ETS1: variants seen among roughly 807,000 people sequenced by gnomAD.
ETS1 encodes the protein ETS proto-oncogene 1, transcription factor, also known as protein C-ets-1.
A neutral mutation model predicts 58.6 loss-of-function variants in ETS1; 15 were observed. The ratio of observed to expected loss-of-function variants is 0.26; its 90% CI spans 0.17 to 0.39. ETS1 has a LOEUF of 0.39. Ranked by LOEUF, ETS1 falls within the 10% of genes least tolerant of loss-of-function variation. The pLI is 1.00. For synonymous variants in ETS1, 214 were observed against 218.2 expected (o/e 0.98, Z 0.17); for missense variants, 417 against 610.5 (o/e 0.68, Z 3.34).
chr11:128,566,575 A>T (rs1864500851), intron 2 of ETS1, among the ~76,000 whole-genome samples: 1 of 152,138 alleles, frequency 6.6e-6, no homozygotes, highest in South Asian at 2.1e-4. Context: ...CGAGGTCAGG[A>T]GATCGAGACC....
chr11:128,574,666 C>T (rs1352962192), intron 1 of ETS1, among the ~76,000 whole-genome samples: 1 of 152,180 alleles, frequency 6.6e-6, no homozygotes, highest in Non-Finnish European at 1.5e-5. Context: ...TTTAGATATG[C>T]CTGTCCTGAC....
At chr11:128,576,973 T>A (rs1364872403) in intron 1 of ETS1, among the ~76,000 whole-genome samples, 1 of 152,176 alleles carries the variant, frequency 6.6e-6, no homozygotes, top group Non-Finnish European at 1.5e-5. Context: ...CAAAGTGTAT[T>A]TCTATCACGG....
intron 3 of ETS1, among the ~76,000 whole-genome samples, chr11:128,548,117 A>AAAGGG (rs1565405232): frequency 2.6e-5 from 2 of 77,766 alleles, no homozygotes; most frequent in African/African-American, 5.6e-5. Context: ...AAAGGGAAGG[A>AAAGGG]AAGGAAAGGA....
intron 3 of ETS1, among the ~76,000 whole-genome samples, chr11:128,504,447 G>C (rs1863176858): frequency 6.6e-6 from 1 of 152,200 alleles, no homozygotes; most frequent in African/African-American, 2.4e-5. Flanking sequence ...ACTCCTTGGA[G>C]GGATGTTCTC....
intron 4 of ETS1, among the ~76,000 whole-genome samples, 161 bp from the exon 5 acceptor site, chr11:128,489,651 AT>A (rs931371566): frequency 1.3e-5 from 2 of 152,190 alleles, no homozygotes; most frequent in African/African-American, 4.8e-5. Context: ...AGTGCCTTCC[AT>A]AACCCTCCCC....
chr11:128,467,801 T>C (rs1862077724), intron 8 of ETS1, among the ~76,000 whole-genome samples: 1 of 152,048 alleles, frequency 6.6e-6, no homozygotes, highest in Non-Finnish European at 1.5e-5. Flanking sequence ...AGTATGCTTC[T>C]CAAGTCGAAG....
At chr11:128,479,786 T>C (rs1451514016) in intron 8 of ETS1, among the ~76,000 whole-genome samples, 1 of 152,080 alleles carries the variant, frequency 6.6e-6, no homozygotes, top group East Asian at 1.9e-4. Flanking sequence ...CATTCAGTTG[T>C]GCCTTTGAGA....
chr11:128,575,643 G>A (rs1241751323), intron 1 of ETS1, among the ~76,000 whole-genome samples: 2 of 152,170 alleles, frequency 1.3e-5, no homozygotes, highest in African/African-American at 2.4e-5. Context: ...CAGTGGAATC[G>A]ACAGGCTCAC....
intron 3 of ETS1, among the ~76,000 whole-genome samples, chr11:128,508,101 C>T (rs1391558686): frequency 2.0e-5 from 3 of 152,142 alleles, no homozygotes; most frequent in Non-Finnish European, 4.4e-5. Context: ...ATTGAACTGG[C>T]CACAGGGACG....
chr11:128,523,751 C>A lies in ETS1; in HGVS notation c.214+32540G>T, dbSNP rs550269551. ...GAGGAAAATATTTGTATGTGATAGT[C>A]CTAATTTTTGAAAGAACAAAGACTG... is the stretch of plus-strand genomic sequence containing the variant. On this transcript the variant is annotated intron_variant, in intron 3 of 9. Transcript: ENST00000392668. Among the ~76,000 whole-genome samples the A allele has an allele frequency of 2.6e-5, 4 of 152,270 alleles. No homozygotes were observed. In the East Asian group the frequency reaches 7.7e-4, roughly 29 times the overall value.
intron 3 of ETS1, among the ~76,000 whole-genome samples, chr11:128,545,725 G>C (rs1304718139): frequency 6.6e-6 from 1 of 152,136 alleles, no homozygotes; most frequent in Non-Finnish European, 1.5e-5. Flanking sequence ...ATTTACAATT[G>C]ATCAGTTAAG....
chr11:128,586,787 G>A (rs994520332), intron 1 of ETS1, among the ~76,000 whole-genome samples: 11 of 152,242 alleles, frequency 7.2e-5, no homozygotes, highest in South Asian at 4.1e-4. Context: ...AAAGTGTCAC[G>A]GCCAGATAAA....
At chr11:128,561,074 T>C (rs909763257) in intron 2 of ETS1, among the ~76,000 whole-genome samples, 6 of 151,994 alleles carry the variant, frequency 3.9e-5, no homozygotes, top group African/African-American at 1.5e-4. Context: ...AAGACGGTGT[T>C]GTTTGGAGGT....
At chr11:128,557,409 A>G (rs766602934) in intron 2 of ETS1, among the ~76,000 whole-genome samples, 12 of 152,220 alleles carry the variant, frequency 7.9e-5, no homozygotes, top group Non-Finnish European at 1.2e-4. Context: ...GTATGAGAAA[A>G]TTGTATATAA....
intron 8 of ETS1, among the ~76,000 whole-genome samples, chr11:128,474,477 A>G (rs1862269111): frequency 6.6e-6 from 1 of 152,234 alleles, no homozygotes; most frequent in Non-Finnish European, 1.5e-5. Flanking sequence ...AATTCATACA[A>G]AACTAATTAG....
chr11:128,514,644 T>C, intron 3 of ETS1, among the ~76,000 whole-genome samples: 1 of 152,186 alleles, frequency 6.6e-6, no homozygotes, highest in South Asian at 2.1e-4. Flanking sequence ...TTTTCATAAA[T>C]GTAAACACTG....
intron 3 of ETS1, among the ~76,000 whole-genome samples, chr11:128,500,884 G>C (rs886533235): frequency 3.3e-5 from 5 of 152,142 alleles, no homozygotes; most frequent in Admixed American, 6.5e-5. Flanking sequence ...TACTTCCCCA[G>C]AAGTCTTCTC....
At chr11:128,567,066 G>T (rs1864518806) in intron 2 of ETS1, among the ~76,000 whole-genome samples, 1 of 152,210 alleles carries the variant, frequency 6.6e-6, no homozygotes, top group African/African-American at 2.4e-5. Flanking sequence ...TACAAAAGAG[G>T]AATTGCCCAA....
At chr11:128,578,343 T>C (rs1272306724) in intron 1 of ETS1, among the ~76,000 whole-genome samples, 1 of 152,126 alleles carries the variant, frequency 6.6e-6, no homozygotes, top group Non-Finnish European at 1.5e-5. Context: ...CCAGTTCACA[T>C]CAACTCTGAC....
Sources: allele counts gnomAD v4.1 joint callset (sites outside exome capture counted in the v4.1 genomes callset), GRCh38; gene constraint gnomAD v4.1.1; transcripts MANE v1.5; gene names NCBI Gene and HGNC (gene_info 2026-07-23, HGNC 2026-07-21).